The following DPP6 variants were observed in gnomAD, a reference collection of about 807,000 sequenced individuals.
The protein encoded by DPP6 is A-type potassium channel modulatory protein DPP6.
DPP6 carries 69 observed loss-of-function variants against 122.6 expected under a neutral mutation model. That is an observed-to-expected ratio of 0.56 (90% CI 0.46 to 0.69). DPP6 has a LOEUF of 0.69. Among genes scored for constraint, DPP6 ranks in the 30% least tolerant of loss-of-function variants. The probability of loss-of-function intolerance (pLI) is 0.00; values close to 1 mark genes in which losing one functional copy is unlikely to be tolerated. For synonymous variants in DPP6, 418 were observed against 433.1 expected (o/e 0.97, Z 0.43); for missense variants, 928 against 1,116.9 (o/e 0.83, Z 2.41).
At chr7:154,356,988 A>T (rs1252164767) in intron 1 of DPP6, among the ~76,000 whole-genome samples, 1 of 152,196 alleles carries the variant, frequency 6.6e-6, no homozygotes, top group Non-Finnish European at 1.5e-5. Flanking sequence ...TTGGGGGTTT[A>T]AAAATATAAT....
At chr7:154,716,734 T>C (rs1030083947) in intron 7 of DPP6, among the ~76,000 whole-genome samples, 1 of 147,066 alleles carries the variant, frequency 6.8e-6, no homozygotes, top group Non-Finnish European at 1.5e-5. Context: ...TAGCTCAATA[T>C]ATTATGCCAT....
intron 1 of DPP6, among the ~76,000 whole-genome samples, chr7:154,086,358 T>C (rs1203950747): frequency 1.4e-5 from 2 of 147,670 alleles, no homozygotes; most frequent in Non-Finnish European, 3.0e-5. Flanking sequence ...GTGTTTTTCC[T>C]TGGCTTTCAT....
rs991361903 is a variant in DPP6 at position 154,241,057 on chromosome 7, G to A, written c.243+187994G>A. Among the ~76,000 whole-genome samples, 3 of 152,112 alleles carry A rather than the reference G, an allele frequency of 2.0e-5. No homozygotes were observed. The highest frequency in any genetic ancestry group is 6.6e-5 in the Admixed American group (1 of 15,266). On this transcript the variant is annotated intron_variant, in intron 1 of 25. Coordinates refer to ENST00000377770, the MANE Select transcript of DPP6 (RefSeq NM_130797.4). The surrounding 1 kb of genome is among the most constrained non-coding windows in gnomAD (Gnocchi z 9.0). ...TCATTATGTGATTTGTTGGAATATT[G>A]TGAAGTTCCGTTGATAAATAAATTG...
the DPP6 span, among the ~76,000 whole-genome samples, chr7:153,811,589 G>A: frequency 6.6e-6 from 1 of 152,132 alleles, no homozygotes; most frequent in Non-Finnish European, 1.5e-5. Flanking sequence ...AAGGCTGCCT[G>A]TGAGGAATGA....
intron 15 of DPP6, among the ~76,000 whole-genome samples, chr7:154,806,207 T>C (rs1289035234): frequency 6.6e-6 from 1 of 152,240 alleles, no homozygotes; most frequent in Non-Finnish European, 1.5e-5. Flanking sequence ...GAAGGTTGTC[T>C]TCTCTCTCCC....
intron 1 of DPP6, chr7:153,887,853 C>G (rs1315463834): frequency 1.7e-6 from 2 of 1,151,472 alleles, no homozygotes; most frequent in Admixed American, 5.7e-5. Context: ...ACCCCATGCC[C>G]GCGCGCGGCG....
At chr7:154,044,278 A>G (rs889448131) in intron 1 of DPP6, among the ~76,000 whole-genome samples, 6 of 152,200 alleles carry the variant, frequency 3.9e-5, no homozygotes, top group Non-Finnish European at 8.8e-5. Flanking sequence ...ATGAGAAGGA[A>G]ATTGTTCGGA....
At chr7:154,215,795 C>T (rs752732523) in intron 1 of DPP6, among the ~76,000 whole-genome samples, 10 of 152,184 alleles carry the variant, frequency 6.6e-5, no homozygotes, top group Non-Finnish European at 1.3e-4. Context: ...CCTAGAGCAC[C>T]TTCCCCTCTC....
intron 1 of DPP6, among the ~76,000 whole-genome samples, chr7:154,196,851 G>A (rs1052713307): frequency 6.6e-5 from 10 of 152,034 alleles, no homozygotes; most frequent in African/African-American, 2.4e-4. Context: ...CCACTTAATT[G>A]ACTCTTCCCC....
At chr7:154,394,450 T>G (rs1410686913) in intron 1 of DPP6, among the ~76,000 whole-genome samples, 2 of 151,478 alleles carry the variant, frequency 1.3e-5, no homozygotes, top group Non-Finnish European at 2.9e-5. Context: ...TTTGTTGTAT[T>G]TTTTGAGTTT....
rs12719638 is a variant in DPP6 at position 154,618,336 on chromosome 7, C to T, written c.628-19485C>T. Among the ~76,000 whole-genome samples, 66,124 of 151,870 alleles carry T rather than the reference C, an allele frequency of 0.44. 16,445 individuals are homozygous for T. The highest frequency in any genetic ancestry group is 0.85 in the East Asian group (4,400 of 5,156). On this transcript the variant is annotated intron_variant, in intron 5 of 25. Transcript: ENST00000377770. This position sits in a 1 kb window ranked among gnomAD's most constrained non-coding sequence, Gnocchi z 4.1. ...AGATTAGGCTCACTGAGCGGGTGAA[C>T]GGAGCTGTTTGAACTGAGGTCTCAG...
At chr7:154,629,154 G>A (rs1420745839) in intron 5 of DPP6, among the ~76,000 whole-genome samples, 1 of 152,174 alleles carries the variant, frequency 6.6e-6, no homozygotes, top group African/African-American at 2.4e-5. Context: ...TTAATTTCCA[G>A]ATATGGATAT....
Position 154,604,042 on chromosome 7 carries a change from T to A in DPP6, c.628-33779T>A, listed in dbSNP as rs905674293. Among the ~76,000 whole-genome samples the A allele has an allele frequency of 1.6e-5, 2 of 121,394 alleles. 1 individual carries two copies. Among genetic ancestry groups the A allele is most frequent in the Non-Finnish European group, 3.7e-5 (2 of 53,890 alleles). 79.6% of individuals were successfully genotyped at this position (121,394 alleles called of 152,430 possible). A position where few individuals can be genotyped will look rare whatever the true frequency, so the allele number is the denominator to read the frequency against. On this transcript the variant is annotated intron_variant, in intron 5 of 25. Coordinates refer to ENST00000377770, the MANE Select transcript of DPP6 (RefSeq NM_130797.4). ...CATGTTATTCTTTTACTTAAAAGTT[T>A]ATTTTAAAAATCAAAAATAGCTTTC...
At chr7:154,350,585 G>T (rs976471150) in intron 1 of DPP6, among the ~76,000 whole-genome samples, 3 of 152,144 alleles carry the variant, frequency 2.0e-5, no homozygotes, top group Admixed American at 2.0e-4. Context: ...GACGGGCTGG[G>T]GGCCTGTGGT....
chr7:154,361,041 C>CT (rs928258666), intron 1 of DPP6, among the ~76,000 whole-genome samples: 30 of 151,922 alleles, frequency 2.0e-4, no homozygotes, highest in African/African-American at 7.3e-4. Context: ...GGGCCAGTGG[C>CT]CTATGAGAAG....
At chr7:154,017,523 T>C (rs1007901808) in intron 1 of DPP6, among the ~76,000 whole-genome samples, 19 of 151,276 alleles carry the variant, frequency 1.3e-4, no homozygotes, top group African/African-American at 4.4e-4. Context: ...TACGGGCCTG[T>C]CTCTACAAAA....
chr7:154,324,864 G>GT (rs1172014611), intron 1 of DPP6, among the ~76,000 whole-genome samples: 5 of 59,606 alleles, frequency 8.4e-5, no homozygotes, highest in African/African-American at 2.0e-4. Context: ...CTTTCCTTTT[G>GT]TTATTTTTTT....
At chr7:153,894,803 C>T (rs1799340107) in intron 1 of DPP6, among the ~76,000 whole-genome samples, 1 of 152,102 alleles carries the variant, frequency 6.6e-6, no homozygotes, top group Non-Finnish European at 1.5e-5. Context: ...AGATGCAGAA[C>T]CAGTGGATCA....
At chr7:154,420,699 T>C (rs1010278309) in intron 1 of DPP6, among the ~76,000 whole-genome samples, 7 of 152,212 alleles carry the variant, frequency 4.6e-5, no homozygotes, top group African/African-American at 1.7e-4. Flanking sequence ...GAGTAGATTT[T>C]AAATGTTCTC....
Sources: gnomAD v4.1 joint callset for allele counts (sites outside exome capture counted in the v4.1 genomes callset) on GRCh38, gnomAD v4.1.1 for gene constraint, Gnocchi (gnomAD v3.1) non-coding constraint, MANE v1.5 for transcripts, NCBI Gene and HGNC (gene_info 2026-07-23, HGNC 2026-07-21) for gene names.